The following CSMD1 variants were observed in gnomAD, a reference collection of about 807,000 sequenced individuals.
The protein encoded by CSMD1 is CUB and Sushi multiple domains 1, also known as CUB and sushi domain-containing protein 1.
A neutral mutation model predicts 417.5 loss-of-function variants in CSMD1; 213 were observed. The ratio of observed to expected loss-of-function variants is 0.51; its 90% CI spans 0.46 to 0.57. The LOEUF (loss-of-function observed/expected upper bound fraction) is 0.57, where lower values mean the gene tolerates loss of function less well. Ranked by LOEUF, CSMD1 falls within the 20% of genes least tolerant of loss-of-function variation. The probability of loss-of-function intolerance (pLI) is 0.00; values close to 1 mark genes in which losing one functional copy is unlikely to be tolerated. For synonymous variants in CSMD1, 2,862 were observed against 1,736.8 expected, an observed-to-expected ratio of 1.65 and a Z score of -16.11; for missense variants, 6,923 against 4,529.7, an observed-to-expected ratio of 1.53 and a Z score of -15.17.
At chr8:4,593,844 A>T (rs1800117800) in intron 2 of CSMD1, among the ~76,000 whole-genome samples, 1 of 152,182 alleles carries the variant, frequency 6.6e-6, no homozygotes, top group African/African-American at 2.4e-5. Flanking sequence ...GTTTGCTAAG[A>T]TTGCCTGTAA....
At chr8:4,910,657 A>G (rs1394548918) in intron 1 of CSMD1, among the ~76,000 whole-genome samples, 1 of 152,216 alleles carries the variant, frequency 6.6e-6, no homozygotes, top group Non-Finnish European at 1.5e-5. Flanking sequence ...ATTTTAACAT[A>G]TTAATTTTGA....
intron 12 of CSMD1, among the ~76,000 whole-genome samples, chr8:3,412,635 G>A (rs1812884262): frequency 1.3e-5 from 2 of 152,176 alleles, no homozygotes; most frequent in South Asian, 2.1e-4. Flanking sequence ...AAGGTACACT[G>A]CTAACGTCAC....
At chr8:3,450,513 C>A (rs1006480410) in intron 12 of CSMD1, among the ~76,000 whole-genome samples, 15 of 151,426 alleles carry the variant, frequency 9.9e-5, no homozygotes, top group African/African-American at 3.4e-4. Flanking sequence ...TTCCTGTGTC[C>A]ATGTGTTCTC....
chr8:3,010,355 C>T (rs1419445682), intron 52 of CSMD1, among the ~76,000 whole-genome samples: 1 of 152,206 alleles, frequency 6.6e-6, no homozygotes, highest in Non-Finnish European at 1.5e-5. Flanking sequence ...GAGTGCAGCA[C>T]CATGCCTTGT....
At chr8:4,958,715 C>T (rs972104584) in intron 1 of CSMD1, among the ~76,000 whole-genome samples, 10 of 152,056 alleles carry the variant, frequency 6.6e-5, no homozygotes, top group African/African-American at 2.4e-4. Context: ...TTTAGTGACT[C>T]AATAAATAAA....
At chr8:4,975,752 A>C (rs1415260033) in intron 1 of CSMD1, among the ~76,000 whole-genome samples, 1 of 152,214 alleles carries the variant, frequency 6.6e-6, no homozygotes, top group East Asian at 1.9e-4. Flanking sequence ...GACACGGCCA[A>C]CTGTTTCCAT....
chr8:3,842,062 T>G (rs990589843), intron 5 of CSMD1, among the ~76,000 whole-genome samples: 11 of 152,220 alleles, frequency 7.2e-5, no homozygotes, highest in African/African-American at 2.4e-4. Context: ...ATTCTGATAG[T>G]TAATAAAACA....
chr8:4,682,203 T>C (rs967046677), intron 1 of CSMD1, among the ~76,000 whole-genome samples: 4 of 152,044 alleles, frequency 2.6e-5, no homozygotes, highest in African/African-American at 9.7e-5. Flanking sequence ...AATTTTTGAA[T>C]TGTTTTTGTA....
intron 3 of CSMD1, among the ~76,000 whole-genome samples, chr8:4,287,056 G>C (rs923037446): frequency 2.0e-5 from 3 of 152,252 alleles, no homozygotes; most frequent in Middle Eastern, 3.4e-3. Context: ...TGTACACTAA[G>C]GCTTAGTAAC....
intron 21 of CSMD1, among the ~76,000 whole-genome samples, chr8:3,349,169 T>C (rs1321977557): frequency 2.6e-5 from 4 of 152,200 alleles, no homozygotes; most frequent in African/African-American, 7.2e-5. Context: ...AGGTATGTAC[T>C]GAGAGCAGGA....
At chr8:4,896,811 T>C (rs1804518777) in intron 1 of CSMD1, among the ~76,000 whole-genome samples, 1 of 151,810 alleles carries the variant, frequency 6.6e-6, no homozygotes, top group Admixed American at 6.6e-5. Context: ...CGGGGGGAAG[T>C]GCAGGGCTAT....
chr8:3,711,189 G>A (rs1269945145), intron 6 of CSMD1, among the ~76,000 whole-genome samples: 1 of 152,168 alleles, frequency 6.6e-6, no homozygotes, highest in Non-Finnish European at 1.5e-5. Context: ...TACAAACTTT[G>A]AGGAGCTTTT....
intron 3 of CSMD1, among the ~76,000 whole-genome samples, chr8:4,307,882 T>A (rs948886367): frequency 2.0e-5 from 3 of 151,936 alleles, no homozygotes; most frequent in African/African-American, 7.3e-5. Flanking sequence ...AAGTGTTCAG[T>A]AGAGAGGAGG....
intron 2 of CSMD1, among the ~76,000 whole-genome samples, chr8:4,602,749 T>A (rs1277576205): frequency 6.6e-6 from 1 of 152,150 alleles, no homozygotes; most frequent in East Asian, 1.9e-4. Context: ...AGATAACTAC[T>A]GCAGAAAAAT....
At chr8:3,766,026 T>A (rs185157329) in intron 5 of CSMD1, among the ~76,000 whole-genome samples, 1 of 152,288 alleles carries the variant, frequency 6.6e-6, no homozygotes, top group African/African-American at 2.4e-5. Flanking sequence ...ACAAAGCCCA[T>A]CTTCTTAAGC....
intron 26 of CSMD1, among the ~76,000 whole-genome samples, chr8:3,241,976 T>C (rs1799562412): frequency 8.8e-6 from 1 of 114,144 alleles, no homozygotes; most frequent in Admixed American, 9.3e-5. Context: ...GACGGCCTTT[T>C]GACCTTTTAG....
intron 1 of CSMD1, among the ~76,000 whole-genome samples, chr8:4,840,064 A>G (rs1353917623): frequency 9.8e-6 from 1 of 102,538 alleles, no homozygotes; most frequent in Non-Finnish European, 2.2e-5. Flanking sequence ...TCCTCGGTGG[A>G]CCGCATCCAT....
intron 40 of CSMD1, among the ~76,000 whole-genome samples, chr8:3,144,796 G>C (rs1356455040): frequency 4.1e-5 from 5 of 120,962 alleles, no homozygotes; most frequent in South Asian, 3.2e-4. Context: ...AGGCAACAAG[G>C]GGGGGGGGGA....
rs532014246 is a variant in CSMD1 at position 4,689,489 on chromosome 8, T to C, written c.86-51931A>G. ...TGTGGGGAAAAAAGGGTTTTCTTTATGACGTATTTCTTGGATAACTTCTCA... is the reference window on the plus strand; with the variant it reads ...TGTGGGGAAAAAAGGGTTTTCTTTACGACGTATTTCTTGGATAACTTCTCA... On this transcript the variant is annotated intron_variant, in intron 1 of 69. Coordinates refer to ENST00000635120, the MANE Select transcript of CSMD1 (RefSeq NM_033225.6). Among the ~76,000 whole-genome samples, 7 of 152,334 alleles carry C rather than the reference T, an allele frequency of 4.6e-5. 1 individual carries two copies. The East Asian group carries it at 1.2e-3, about 25-fold the overall frequency.
Sources: gnomAD v4.1 joint callset for allele counts (sites outside exome capture counted in the v4.1 genomes callset) on GRCh38, gnomAD v4.1.1 for gene constraint, MANE v1.5 for transcripts, NCBI Gene and HGNC (gene_info 2026-07-23, HGNC 2026-07-21) for gene names.